Variants in KCNIP4 observed in about 807,000 individuals in gnomAD.
The protein encoded by KCNIP4 is potassium voltage-gated channel interacting protein 4, also known as Kv channel-interacting protein 4.
In KCNIP4, 12 loss-of-function variants were observed where a neutral mutation model predicts 34.0. The ratio of observed to expected loss-of-function variants is 0.35; its 90% CI spans 0.23 to 0.57. KCNIP4 has a LOEUF of 0.57. Among genes scored for constraint, KCNIP4 ranks in the 20% least tolerant of loss-of-function variants. The pLI, the probability that KCNIP4 is intolerant of heterozygous loss-of-function variation, is 0.83. For missense variants in KCNIP4, 238 were observed against 311.7 expected, an observed-to-expected ratio of 0.76 and a Z score of 1.78; for synonymous variants, 124 against 102.2, an observed-to-expected ratio of 1.21 and a Z score of -1.29.
At chr4:21,701,281 T>G (rs1712814977) in intron 1 of KCNIP4, among the ~76,000 whole-genome samples, 1 of 152,150 alleles carries the variant, frequency 6.6e-6, no homozygotes, top group African/African-American at 2.4e-5. Flanking sequence ...AAAGTAAAAA[T>G]GTTGGTCAAA....
chr4:21,098,846 G>T (rs1747687165), intron 1 of KCNIP4, among the ~76,000 whole-genome samples: 1 of 151,918 alleles, frequency 6.6e-6, no homozygotes, highest in East Asian at 1.9e-4. Context: ...ACATTTATGT[G>T]GCCAACAAAC....
At chr4:20,794,883 C>A (rs1026134026) in intron 3 of KCNIP4, among the ~76,000 whole-genome samples, 2 of 152,108 alleles carry the variant, frequency 1.3e-5, no homozygotes, top group Non-Finnish European at 1.5e-5. Flanking sequence ...TTGAAATGTT[C>A]TTTAAAATTT....
chr4:21,691,230 A>G lies in KCNIP4; in HGVS notation c.61+257341T>C, dbSNP rs1254089031. Among the ~76,000 whole-genome samples, 3 of 152,212 alleles carry G rather than the reference A, an allele frequency of 2.0e-5. No individual in the cohort carries two copies. The East Asian group carries it at 5.8e-4, about 29-fold the overall frequency. The stretch of plus-strand genomic sequence containing the variant: ...GGGGTCAGACAATGGAAGCAGTAGC[A>G]GAAACTCTGAAAGTAGGAGGAAAAT... On this transcript the variant is annotated intron_variant, in intron 1 of 8. Transcript: ENST00000382152.
At chr4:20,934,664 C>T (rs1306358296) in intron 1 of KCNIP4, among the ~76,000 whole-genome samples, 1 of 152,258 alleles carries the variant, frequency 6.6e-6, no homozygotes, top group East Asian at 1.9e-4. Flanking sequence ...TTTCTATCAT[C>T]ATGGAGCTTA....
rs147402592 is a variant in KCNIP4 at position 21,483,527 on chromosome 4, C to T, written c.61+465044G>A. ...TGTGTGGGCCGGGCGTGGTGGTGCA[C>T]GCCTGTAATCCCAGCACTTTGGGAG... On this transcript the variant is annotated intron_variant, in intron 1 of 8. Coordinates refer to ENST00000382152, the MANE Select transcript of KCNIP4 (RefSeq NM_025221.6). Among the ~76,000 whole-genome samples, 753 of 152,068 alleles carry T rather than the reference C, an allele frequency of 5.0e-3. 5 individuals carry two copies. The highest frequency in any genetic ancestry group is 0.02 in the Middle Eastern group (6 of 294).
intron 3 of KCNIP4, among the ~76,000 whole-genome samples, chr4:20,830,873 G>C (rs1718345343): frequency 6.6e-6 from 1 of 152,156 alleles, no homozygotes; most frequent in South Asian, 2.1e-4. Context: ...AGATGCCTTA[G>C]AATTCCAGAG....
chr4:20,742,710 G>A (rs1751425279), intron 5 of KCNIP4, among the ~76,000 whole-genome samples: 2 of 152,100 alleles, frequency 1.3e-5, no homozygotes, highest in African/African-American at 4.8e-5. Context: ...GGAAGTTCTG[G>A]CCAGGGCAAT....
At chr4:21,929,632 C>A (rs1729454337) in intron 1 of KCNIP4, among the ~76,000 whole-genome samples, 1 of 152,104 alleles carries the variant, frequency 6.6e-6, no homozygotes, top group Non-Finnish European at 1.5e-5. Context: ...GTAGTTACTC[C>A]CAAGAACTGC....
At chr4:21,264,968 T>A (rs12651019) in intron 1 of KCNIP4, among the ~76,000 whole-genome samples, 66,661 of 151,746 alleles carry the variant, frequency 0.44, 15,339 homozygotes, top group South Asian at 0.57. Context: ...GCGTGGTGAC[T>A]TGCGCCTGTG....
chr4:21,600,315 T>C (rs1743005984), intron 1 of KCNIP4, among the ~76,000 whole-genome samples: 1 of 152,144 alleles, frequency 6.6e-6, no homozygotes, highest in Admixed American at 6.6e-5. Context: ...CTTTCATAAT[T>C]ACTGACATTA....
At chr4:21,703,759 CAT>C (rs1164156695) in intron 1 of KCNIP4, among the ~76,000 whole-genome samples, 2 of 152,084 alleles carry the variant, frequency 1.3e-5, no homozygotes, top group African/African-American at 4.8e-5. Context: ...TTAAATAAAA[CAT>C]AGTAAAGATG....
At chr4:20,914,998 T>C (rs1728667010) in intron 1 of KCNIP4, among the ~76,000 whole-genome samples, 1 of 152,184 alleles carries the variant, frequency 6.6e-6, no homozygotes, top group Non-Finnish European at 1.5e-5. Context: ...AAAGAATGCT[T>C]ACACAACCTT....
intron 1 of KCNIP4, among the ~76,000 whole-genome samples, chr4:21,897,925 C>T (rs1286044047): frequency 5.3e-5 from 8 of 152,072 alleles, no homozygotes; most frequent in South Asian, 4.1e-4. Flanking sequence ...GCAGCAGGCA[C>T]GTGGTGTAGA....
At chr4:21,154,933 C>T (rs1371669232) in intron 1 of KCNIP4, among the ~76,000 whole-genome samples, 1 of 152,208 alleles carries the variant, frequency 6.6e-6, no homozygotes, top group South Asian at 2.1e-4. Context: ...CTTTCTGTAA[C>T]CGACAAAATA....
In KCNIP4 at chr4:21,757,207, GA is replaced by G. The variant is rs1397119766; in HGVS notation, c.61+191363del. Among the ~76,000 whole-genome samples the G allele has an allele frequency of 1.1e-3, 20 of 17,626 alleles. 3 individuals carry two copies. Among genetic ancestry groups the G allele is most frequent in the African/African-American group, 5.1e-3 (20 of 3,960 alleles). 11.6% of individuals were successfully genotyped at this position (17,626 alleles called of 152,430 possible). A position where few individuals can be genotyped will look rare whatever the true frequency, so the allele number is the denominator to read the frequency against. ...GGAAGGAAGGAAGGAAGGAAAGAAAGAAAGAAAGAAAGAAAGAAAGAAAGAA... is the reference window on the plus strand; with the variant it reads ...GGAAGGAAGGAAGGAAGGAAAGAAAGAAGAAAGAAAGAAAGAAAGAAAGAA... On this transcript the variant is annotated intron_variant, in intron 1 of 8. Transcript: ENST00000382152.
chr4:21,761,785 T>C (rs1560694964), intron 1 of KCNIP4, among the ~76,000 whole-genome samples: 1 of 151,334 alleles, frequency 6.6e-6, no homozygotes, highest in Non-Finnish European at 1.5e-5. Context: ...TTAACAACAT[T>C]AAAAAAAAAT....
intron 1 of KCNIP4, among the ~76,000 whole-genome samples, chr4:20,908,209 C>T (rs1727977747): frequency 6.6e-6 from 1 of 151,656 alleles, no homozygotes; most frequent in African/African-American, 2.4e-5. Flanking sequence ...AAGCGATTCT[C>T]CTGCCTCAGC....
intron 1 of KCNIP4, among the ~76,000 whole-genome samples, chr4:21,526,399 G>T (rs358831): frequency 0.87 from 132,049 of 152,108 alleles, 57,454 homozygotes; most frequent in East Asian, 0.99. Context: ...TGTGGAACTG[G>T]GAATCCATTA....
At chr4:21,122,779 A>G (rs1324009026) in intron 1 of KCNIP4, among the ~76,000 whole-genome samples, 2 of 152,210 alleles carry the variant, frequency 1.3e-5, no homozygotes, top group Non-Finnish European at 2.9e-5. Flanking sequence ...AGTTGATTCT[A>G]GGACATTAGG....
Sources: gnomAD v4.1 joint callset for allele counts (sites outside exome capture counted in the v4.1 genomes callset) on GRCh38, gnomAD v4.1.1 for gene constraint, MANE v1.5 for transcripts, NCBI Gene and HGNC (gene_info 2026-07-23, HGNC 2026-07-21) for gene names.